The following DRC8 variants were observed in gnomAD, a reference collection of about 807,000 sequenced individuals.
DRC8 encodes the protein dynein regulatory complex protein 8.
the DRC8 span, among the ~76,000 whole-genome samples, chr1:245,076,195 G>T: frequency 2.0e-5 from 3 of 152,306 alleles, no homozygotes; most frequent in East Asian, 5.8e-4. Flanking sequence ...TTAGGAAAAA[G>T]TGCCATTGCA....
the DRC8 span, among the ~76,000 whole-genome samples, chr1:245,028,204 A>G: frequency 3.9e-5 from 6 of 151,932 alleles, no homozygotes; most frequent in East Asian, 1.9e-4. Context: ...TATCTTTTAC[A>G]TGTTTTTTTT....
the DRC8 span, among the ~76,000 whole-genome samples, chr1:245,060,096 C>T: frequency 6.6e-6 from 1 of 152,162 alleles, no homozygotes; most frequent in Non-Finnish European, 1.5e-5. Context: ...TTCAGAATTG[C>T]TTATCTAGGC....
chr1:245,107,006 T>C, the DRC8 span, among the ~76,000 whole-genome samples: 1 of 152,294 alleles, frequency 6.6e-6, no homozygotes, highest in South Asian at 2.1e-4. Flanking sequence ...ATTGCGCCAT[T>C]GCACTCCAGC....
the DRC8 span, among the ~76,000 whole-genome samples, chr1:245,084,396 A>G: frequency 6.6e-6 from 1 of 152,134 alleles, no homozygotes; most frequent in African/African-American, 2.4e-5. Flanking sequence ...GAAGTTACAG[A>G]TAATGTAGCC....
At chr1:245,049,704 G>C in the DRC8 span, among the ~76,000 whole-genome samples, 1 of 152,212 alleles carries the variant, frequency 6.6e-6, no homozygotes, top group Non-Finnish European at 1.5e-5. This position sits in a 1 kb window ranked among gnomAD's most constrained non-coding sequence, Gnocchi z 4.5. Context: ...AGCTCCCGTG[G>C]GGTGGAATAT....
chr1:245,059,653 G>T, the DRC8 span, among the ~76,000 whole-genome samples: 1 of 152,134 alleles, frequency 6.6e-6, no homozygotes, highest in Non-Finnish European at 1.5e-5. Context: ...TTGAAGAAAT[G>T]ACTATGAACA....
At chr1:244,982,157 A>G in the DRC8 span, among the ~76,000 whole-genome samples, 1 of 152,192 alleles carries the variant, frequency 6.6e-6, no homozygotes, top group Non-Finnish European at 1.5e-5. Context: ...TACAGCAAAC[A>G]TTAAACACAG....
the DRC8 span, among the ~76,000 whole-genome samples, chr1:244,975,076 G>A: frequency 6.6e-6 from 1 of 152,098 alleles, no homozygotes; most frequent in Non-Finnish European, 1.5e-5. Context: ...GACTACAGGT[G>A]CCTGCCACCA....
the DRC8 span, chr1:244,970,658 CTCTCT>C: frequency 1.8e-5 from 1 of 57,116 alleles, no homozygotes. Flanking sequence ...CCCGCCCCGC[CTCTCT>C]CCCCCGCCCC....
At chr1:245,010,883 G>C in the DRC8 span, among the ~76,000 whole-genome samples, 1 of 151,816 alleles carries the variant, frequency 6.6e-6, no homozygotes, top group South Asian at 2.1e-4. Context: ...AGGTTTCACC[G>C]TGTTAGCCAG....
At chr1:245,088,315 GACACACACACAC>G in the DRC8 span, among the ~76,000 whole-genome samples, 18 of 145,600 alleles carry the variant, frequency 1.2e-4, no homozygotes, top group African/African-American at 1.8e-4. The surrounding 1 kb of genome is among the most constrained non-coding windows in gnomAD (Gnocchi z 4.6). Context: ...GTTATAACAA[GACACACACACAC>G]ACACACACAC....
chr1:245,089,827 G>A, the DRC8 span, among the ~76,000 whole-genome samples: 3 of 152,172 alleles, frequency 2.0e-5, no homozygotes, highest in Non-Finnish European at 4.4e-5. The surrounding 1 kb of genome is among the most constrained non-coding windows in gnomAD (Gnocchi z 4.8). Context: ...CCACAGAGAA[G>A]GTGAAGGGAG....
the DRC8 span, among the ~76,000 whole-genome samples, chr1:245,024,611 G>A: frequency 6.8e-6 from 1 of 147,852 alleles, no homozygotes; most frequent in Non-Finnish European, 1.5e-5. Flanking sequence ...GCAGTGGCAC[G>A]ATCTCAGCTC....
chr1:245,068,403 G>A, the DRC8 span, among the ~76,000 whole-genome samples: 1 of 151,856 alleles, frequency 6.6e-6, no homozygotes, highest in African/African-American at 2.4e-5. Flanking sequence ...TTATTTTTCT[G>A]TGTAGGTTTT....
chr1:245,028,332 A>C, the DRC8 span, among the ~76,000 whole-genome samples: 1 of 152,210 alleles, frequency 6.6e-6, no homozygotes, highest in Non-Finnish European at 1.5e-5. Context: ...CTAATTTTAG[A>C]AATGTAGGTT....
chr1:245,051,915 T>TC, the DRC8 span, among the ~76,000 whole-genome samples: 5 of 36,324 alleles, frequency 1.4e-4, no homozygotes, highest in East Asian at 4.9e-3. Context: ...GCAAGAGCTA[T>TC]AGGACATTCC....
At chr1:245,077,064 G>A in the DRC8 span, among the ~76,000 whole-genome samples, 1 of 152,038 alleles carries the variant, frequency 6.6e-6, no homozygotes, top group Admixed American at 6.6e-5. Context: ...ATTCAAACTT[G>A]ATCAGACTTC....
chr1:245,073,762 T>C, the DRC8 span, among the ~76,000 whole-genome samples: 1 of 152,128 alleles, frequency 6.6e-6, no homozygotes, highest in East Asian at 1.9e-4. Context: ...TATTAATGAA[T>C]ATAAAACTAA....
chr1:244,970,606 C>T, the DRC8 span: 5 of 760,602 alleles, frequency 6.6e-6, no homozygotes, highest in Admixed American at 4.9e-5. Flanking sequence ...AGTCGCCCTG[C>T]CCCCGTCCCC....
Sources: gnomAD v4.1 joint callset for allele counts (sites outside exome capture counted in the v4.1 genomes callset) on GRCh38, gnomAD v4.1.1 for gene constraint, Gnocchi (gnomAD v3.1) non-coding constraint, MANE v1.5 for transcripts, NCBI Gene and HGNC (gene_info 2026-07-23, HGNC 2026-07-21) for gene names.